SLC8A1: variants seen among roughly 807,000 people sequenced by gnomAD.
SLC8A1 encodes the protein sodium/calcium exchanger 1.
SLC8A1 carries 18 observed loss-of-function variants against 68.3 expected under a neutral mutation model. That is an observed-to-expected ratio of 0.26 (90% confidence interval 0.18 to 0.39). The LOEUF (loss-of-function observed/expected upper bound fraction) is 0.39. Ranked by LOEUF, SLC8A1 falls within the 10% of genes least tolerant of loss-of-function variation. The pLI, the probability that SLC8A1 is intolerant of heterozygous loss-of-function variation, is 1.00. For missense variants in SLC8A1, 985 were observed against 1,156.7 expected (o/e 0.85, Z 2.15); for synonymous variants, 475 against 415.5 (o/e 1.14, Z -1.74).
At chr2:40,403,386 T>C (rs1689337564) in intron 2 of SLC8A1, among the ~76,000 whole-genome samples, 1 of 152,184 alleles carries the variant, frequency 6.6e-6, no homozygotes, top group Non-Finnish European at 1.5e-5. Flanking sequence ...CAATGGCTCC[T>C]GTTTCAAGAG....
At chr2:40,467,252 C>T (rs1703734775) in intron 1 of SLC8A1, among the ~76,000 whole-genome samples, 1 of 152,144 alleles carries the variant, frequency 6.6e-6, no homozygotes, top group Non-Finnish European at 1.5e-5. Context: ...CCCCAAGCTG[C>T]CTATCTGAAA....
At chr2:40,292,923 T>C (rs1436237987) in intron 2 of SLC8A1, among the ~76,000 whole-genome samples, 3 of 152,148 alleles carry the variant, frequency 2.0e-5, no homozygotes, top group African/African-American at 7.2e-5. Context: ...TGGAAATTGA[T>C]CTCAACTGCC....
chr2:40,406,851 C>T (rs1236532841), intron 2 of SLC8A1, among the ~76,000 whole-genome samples: 1 of 152,200 alleles, frequency 6.6e-6, no homozygotes, highest in Non-Finnish European at 1.5e-5. Flanking sequence ...TGGATTGAAA[C>T]CGTATATGAT....
chr2:40,130,829 G>A (rs781072880), intron 7 of SLC8A1, among the ~76,000 whole-genome samples: 8 of 152,168 alleles, frequency 5.3e-5, no homozygotes, highest in Non-Finnish European at 1.2e-4. Flanking sequence ...TGTCAATGTT[G>A]AGAGGAGAAA....
intron 1 of SLC8A1, among the ~76,000 whole-genome samples, chr2:40,495,410 A>G (rs890931790): frequency 6.6e-6 from 1 of 152,108 alleles, no homozygotes; most frequent in Non-Finnish European, 1.5e-5. Context: ...GAAGGATCCG[A>G]GTTCAGGACA....
intron 2 of SLC8A1, among the ~76,000 whole-genome samples, chr2:40,330,404 TAAGAA>T (rs1185532223): frequency 6.6e-6 from 1 of 152,174 alleles, no homozygotes; most frequent in African/African-American, 2.4e-5. Flanking sequence ...GGACTAAACG[TAAGAA>T]AAGAACAAAA....
chr2:40,344,687 C>G (rs1178452049), intron 2 of SLC8A1, among the ~76,000 whole-genome samples: 8 of 152,146 alleles, frequency 5.3e-5, no homozygotes, highest in African/African-American at 1.4e-4. Flanking sequence ...TCCCATTGCC[C>G]TTAGTCTTCA....
intron 2 of SLC8A1, among the ~76,000 whole-genome samples, chr2:40,319,455 T>A (rs183291766): frequency 6.6e-6 from 1 of 152,250 alleles, no homozygotes; most frequent in African/African-American, 2.4e-5. Context: ...TTCTTGGAGC[T>A]TCCTTTGTCA....
chr2:40,106,512 C>T (rs904885263), exon 8 of SLC8A1: 4 of 151,764 alleles, frequency 2.6e-5, no homozygotes, highest in African/African-American at 4.8e-5. Context: ...TTTGTGAGAA[C>T]AACCTGAGAA....
At chr2:40,285,259 C>T (rs1238856693) in intron 2 of SLC8A1, among the ~76,000 whole-genome samples, 1 of 152,068 alleles carries the variant, frequency 6.6e-6, no homozygotes, top group African/African-American at 2.4e-5. Flanking sequence ...ATTTTTTGAT[C>T]ACTACAATAT....
At chr2:40,382,948 G>A (rs1036735467) in intron 2 of SLC8A1, among the ~76,000 whole-genome samples, 3 of 151,992 alleles carry the variant, frequency 2.0e-5, no homozygotes, top group African/African-American at 7.2e-5. Flanking sequence ...AACACTTGAT[G>A]AATACTATAT....
At chr2:40,152,385 C>CT (rs372180043) in intron 6 of SLC8A1, among the ~76,000 whole-genome samples, 1 of 152,042 alleles carries the variant, frequency 6.6e-6, no homozygotes, top group Non-Finnish European at 1.5e-5. Context: ...AGGCGTGAGA[C>CT]TTGTAGTTTG....
At position 40,144,725 on chromosome 2, in the gene SLC8A1, A is replaced by G. The variant is rs1573099175; in HGVS notation, c.2162-5049T>C. Among the ~76,000 whole-genome samples the G allele has an allele frequency of 4.6e-5, 7 of 152,210 alleles. No homozygotes were observed. In the South Asian group the frequency reaches 1.4e-3, roughly 32 times the overall value. On this transcript the variant is annotated intron_variant, in intron 6 of 7. Transcript: ENST00000406785. ...TGGGGACCAAGAAAACATGGGAAAT[A>G]AAACAATCAGGTAAAAGCAGGGGAT...
intron 2 of SLC8A1, among the ~76,000 whole-genome samples, chr2:40,311,590 T>C (rs1364595389): frequency 3.9e-5 from 6 of 152,086 alleles, no homozygotes; most frequent in Non-Finnish European, 7.4e-5. Context: ...TTTATTTATA[T>C]TTGTGTGTAT....
chr2:40,430,241 A>G (rs1365148622), exon 2 of SLC8A1: 1 of 1,613,334 alleles, frequency 6.2e-7, no homozygotes, highest in Non-Finnish European at 8.5e-7. Flanking sequence ...AATCCCATTG[A>G]AAAGGTGGGT....
intron 2 of SLC8A1, among the ~76,000 whole-genome samples, chr2:40,197,037 G>C (rs142574951): frequency 1.2e-4 from 18 of 152,156 alleles, no homozygotes; most frequent in African/African-American, 3.6e-4. Flanking sequence ...TCCATTAGAA[G>C]ATGTCATGGA....
intron 4 of SLC8A1, among the ~76,000 whole-genome samples, chr2:40,167,937 G>C (rs932068553): frequency 1.3e-5 from 2 of 152,062 alleles, no homozygotes; most frequent in African/African-American, 4.8e-5. Flanking sequence ...AACCATCCTT[G>C]TATCCTCTGG....
At chr2:40,252,911 G>GTA (rs2063060956) in intron 2 of SLC8A1, among the ~76,000 whole-genome samples, 1 of 131,434 alleles carries the variant, frequency 7.6e-6, no homozygotes, top group Non-Finnish European at 1.6e-5. Context: ...GTATGTATAT[G>GTA]TGTATATATA....
chr2:40,353,229 A>T (rs1404695781), intron 2 of SLC8A1, among the ~76,000 whole-genome samples: 2 of 152,142 alleles, frequency 1.3e-5, no homozygotes, highest in African/African-American at 4.8e-5. Context: ...TTGTTCCTCA[A>T]ATATGTGCTT....
Sources: gnomAD v4.1 joint callset for allele counts (sites outside exome capture counted in the v4.1 genomes callset) on GRCh38, gnomAD v4.1.1 for gene constraint, MANE v1.5 for transcripts, NCBI Gene and HGNC (gene_info 2026-07-23, HGNC 2026-07-21) for gene names.